The following MYO7B variants were observed in gnomAD, a reference collection of about 807,000 sequenced individuals.
The protein encoded by MYO7B is unconventional myosin-VIIb.
MYO7B carries 212 observed loss-of-function variants against 259.7 expected under a neutral mutation model. The observed-to-expected ratio is 0.82, with a 90% CI of 0.73 to 0.91. The LOEUF is 0.91. Among genes scored for constraint, MYO7B ranks in the 40% least tolerant of loss-of-function variants. MYO7B has a pLI of 0.00. For synonymous variants in MYO7B, 1,197 were observed against 1,166.4 expected (o/e 1.03, Z -0.54); for missense variants, 2,732 against 2,813.5 (o/e 0.97, Z 0.66).
chr2:127,617,529 T>C, intron 26 of MYO7B, among the ~76,000 whole-genome samples: 1 of 119,270 alleles, frequency 8.4e-6, no homozygotes, highest in East Asian at 2.6e-4. Flanking sequence ...GGAGTCTCGC[T>C]CTGTCGCCCA....
At chr2:127,573,889 C>T (rs949566796) in intron 6 of MYO7B, 31 bp from the exon 7 acceptor site, 1 of 1,613,376 alleles carries the variant, frequency 6.2e-7, no homozygotes, top group Non-Finnish European at 8.5e-7. Flanking sequence ...CCTCTCTGCT[C>T]CCATCATGGG....
chr2:127,554,873 G>A (rs1693580257), intron 1 of MYO7B, among the ~76,000 whole-genome samples: 1 of 151,876 alleles, frequency 6.6e-6, no homozygotes, highest in Non-Finnish European at 1.5e-5. Context: ...GCGTGTAAAG[G>A]TGTTCAAGTA....
At chr2:127,578,334 G>A (rs1339015628) in intron 9 of MYO7B, 48 bp downstream of exon 9, 32 of 1,609,096 alleles carry the variant, frequency 2.0e-5, no homozygotes, top group Non-Finnish European at 2.7e-5. Flanking sequence ...GGAGAGGGAA[G>A]GGGACAGGAG....
Position 127,553,034 on chromosome 2 carries a change from A to T in MYO7B, c.-23-6666A>T, listed in dbSNP as rs536078577. On this transcript the variant is annotated intron_variant, in intron 1 of 47. Transcript: ENST00000409816. The stretch of plus-strand genomic sequence containing the variant: ...TCACCTGTAAAACAGAGACAGCAGC[A>T]TTTCTTCTCAGAGCTTCCTCCGCCA... Among the ~76,000 whole-genome samples, 107 of 152,272 alleles carry T rather than the reference A, an allele frequency of 7.0e-4. No individual in the cohort carries two copies. In the South Asian group the frequency reaches 0.014, roughly 19 times the overall value.
rs1018997362 is a variant in MYO7B, at chr2:127,620,324, G to T, written c.3399-16G>T. ...CCAGCCCCCAGCCTACTCTCCTAAT[G>T]GTCTGTGTCTTTCAGGGATGAGATT... On this transcript the variant is annotated splice_polypyrimidine_tract_variant and intron_variant, in intron 26 of 47. Coordinates refer to ENST00000409816, the MANE Select transcript of MYO7B (RefSeq NM_001393586.1). 6.2e-7 allele frequency: 1 copy of T among 1,608,336 alleles called. No homozygotes were observed. The highest frequency in any genetic ancestry group is 1.7e-5 in the Admixed American group (1 of 59,740).
chr2:127,561,078 G>T (rs1471462414), intron 2 of MYO7B, among the ~76,000 whole-genome samples: 1 of 152,142 alleles, frequency 6.6e-6, no homozygotes, highest in Non-Finnish European at 1.5e-5. Context: ...GGAGCATGAT[G>T]TGGTTTTAAG....
At chr2:127,578,392 A>T in intron 9 of MYO7B, 106 bp downstream of exon 9, 1 of 1,393,726 alleles carries the variant, frequency 7.2e-7, no homozygotes, top group Non-Finnish European at 9.7e-7. Flanking sequence ...CTGTGGTCCA[A>T]CCCAGGCCTG....
intron 26 of MYO7B, among the ~76,000 whole-genome samples, chr2:127,616,734 C>G (rs1470417578): frequency 1.3e-5 from 2 of 152,190 alleles, no homozygotes; most frequent in Non-Finnish European, 2.9e-5. Flanking sequence ...CTCCGGAGAC[C>G]CACCCCTGAA....
At chr2:127,541,879 C>T (rs746564884) in intron 1 of MYO7B, among the ~76,000 whole-genome samples, 4 of 152,226 alleles carry the variant, frequency 2.6e-5, no homozygotes, top group African/African-American at 4.8e-5. Context: ...GTCTCTTCCC[C>T]GGGGCTGCCT....
At chr2:127,608,498 C>T (rs1680246828) in intron 21 of MYO7B, among the ~76,000 whole-genome samples, 1 of 152,234 alleles carries the variant, frequency 6.6e-6, no homozygotes, top group South Asian at 2.1e-4. Flanking sequence ...CTCTGATTAT[C>T]ACTGGGAAAG....
At chr2:127,587,053 A>G (rs1558818079) in intron 14 of MYO7B, among the ~76,000 whole-genome samples, 1 of 152,170 alleles carries the variant, frequency 6.6e-6, no homozygotes. Flanking sequence ...TCCTCCCCAG[A>G]TCCACAGCAG....
At chr2:127,599,532 T>C (rs1249695296) in intron 19 of MYO7B, among the ~76,000 whole-genome samples, 1 of 152,226 alleles carries the variant, frequency 6.6e-6, no homozygotes. Context: ...CTCTTGCCTA[T>C]TGCAGTAGCC....
intron 12 of MYO7B, among the ~76,000 whole-genome samples, chr2:127,583,163 G>A (rs767130594): frequency 1.3e-5 from 2 of 152,202 alleles, no homozygotes; most frequent in African/African-American, 2.4e-5. Context: ...GACAGAGACC[G>A]GACCACTGGC....
Position 127,635,836 on chromosome 2 carries a change from G to C in MYO7B, c.5935G>C (p.Val1979Leu), listed in dbSNP as rs376623597. 1.9e-6 allele frequency: 3 copies of C among 1,585,080 alleles called. No homozygotes were observed. Among genetic ancestry groups the C allele is most frequent in the Non-Finnish European group, 2.6e-6 (3 of 1,166,232 alleles). ...FNNDRSQLASVPKILRELVPE... is the reference protein window; with the variant it reads ...FNNDRSQLASLPKILRELVPE... The stretch of plus-strand genomic sequence containing the variant: ...CAACGACCGGTCCCAGCTGGCTAGT[G>C]TCCCCAAGATCCTGAGGGAACTGGT... The change falls in exon 44 of 48, where the codon GTC becomes CTC. Residue 1979 changes from valine to leucine, a missense_variant. By Grantham distance (32) the Val-to-Leu change is conservative. Coordinates refer to ENST00000409816, the MANE Select transcript of MYO7B (RefSeq NM_001393586.1).
chr2:127,566,451 C>T (rs900655836), intron 4 of MYO7B, among the ~76,000 whole-genome samples, 192 bp from the exon 5 acceptor site: 3 of 152,238 alleles, frequency 2.0e-5, no homozygotes, highest in Admixed American at 2.0e-4. Context: ...GTGGATATCC[C>T]ATCTTCCCAG....
intron 19 of MYO7B, among the ~76,000 whole-genome samples, chr2:127,605,456 C>T (rs1295004613): frequency 1.3e-5 from 2 of 152,104 alleles, no homozygotes; most frequent in African/African-American, 4.8e-5. Context: ...ATTAGCTGGG[C>T]GTGGTGGCAG....
chr2:127,542,502 A>G (rs574579768), intron 1 of MYO7B, among the ~76,000 whole-genome samples: 1 of 152,164 alleles, frequency 6.6e-6, no homozygotes, highest in Non-Finnish European at 1.5e-5. Context: ...CTGGGCGGGG[A>G]TGGAAGCTCA....
intron 24 of MYO7B, among the ~76,000 whole-genome samples, chr2:127,610,936 C>G (rs1450407630): frequency 5.9e-5 from 9 of 152,262 alleles, no homozygotes; most frequent in Admixed American, 3.9e-4. Context: ...AATTACCCCC[C>G]CCAAACCTAA....
chr2:127,608,947 CA>C (rs1680269089), intron 22 of MYO7B, 69 bp downstream of exon 22: 1 of 1,532,080 alleles, frequency 6.5e-7, no homozygotes, highest in Non-Finnish European at 8.8e-7. Context: ...TCCGTGAACT[CA>C]GTCCACCTCT....
Sources: gnomAD v4.1 joint callset for allele counts (sites outside exome capture counted in the v4.1 genomes callset) on GRCh38, gnomAD v4.1.1 for gene constraint, MANE v1.5 for transcripts, NCBI Gene and HGNC (gene_info 2026-07-23, HGNC 2026-07-21) for gene names.